Variants in MBNL2 observed in about 807,000 individuals in gnomAD.
The protein encoded by MBNL2 is muscleblind-like protein 2.
Under a neutral mutation model 41.9 loss-of-function variants are expected in MBNL2, and 17 were observed. The ratio of observed to expected loss-of-function variants is 0.41; its 90% CI spans 0.28 to 0.61. The LOEUF (loss-of-function observed/expected upper bound fraction) is 0.61, where lower values mean the gene tolerates loss of function less well. Among genes scored for constraint, MBNL2 ranks in the 20% least tolerant of loss-of-function variants. The pLI is 0.35. For missense variants in MBNL2, 336 were observed against 505.6 expected, an observed-to-expected ratio of 0.66 and a Z score of 3.22; for synonymous variants, 195 against 182.9, an observed-to-expected ratio of 1.07 and a Z score of -0.53.
upstream of MBNL2, among the ~76,000 whole-genome samples, chr13:97,218,440 C>CAAA (rs372883729): frequency 6.1e-4 from 72 of 117,968 alleles, no homozygotes; most frequent in African/African-American, 2.4e-3. Context: ...CAAAACAAAA[C>CAAA]AAAAAAAAAA....
intron 2 of MBNL2, among the ~76,000 whole-genome samples, chr13:97,293,322 A>C (rs1477563850): frequency 6.6e-6 from 1 of 152,170 alleles, no homozygotes; most frequent in African/African-American, 2.4e-5. Context: ...AAAATATCCA[A>C]GTAATTTGGT....
At chr13:97,329,730 T>C (rs117860581) in intron 2 of MBNL2, among the ~76,000 whole-genome samples, 12 of 394 alleles carry the variant, frequency 0.03, no homozygotes, top group East Asian at 0.083. Flanking sequence ...ATACACAACA[T>C]ACAACACATA....
intron 1 of MBNL2, among the ~76,000 whole-genome samples, chr13:97,255,169 C>T (rs2047289414): frequency 1.3e-5 from 2 of 152,268 alleles, no homozygotes; most frequent in South Asian, 4.2e-4. Context: ...CCCTGCTGTT[C>T]ACTATCTCAA....
At chr13:97,190,867 A>G in the MBNL2 span, among the ~76,000 whole-genome samples, 8 of 152,174 alleles carry the variant, frequency 5.3e-5, no homozygotes, top group Non-Finnish European at 1.2e-4. Flanking sequence ...AACATTCACA[A>G]ATCAGGAACT....
intron 2 of MBNL2, among the ~76,000 whole-genome samples, chr13:97,309,965 G>A (rs1251167328): frequency 6.6e-6 from 1 of 152,176 alleles, no homozygotes; most frequent in African/African-American, 2.4e-5. Context: ...TGGAGTATGG[G>A]GCAGGCTATG....
At chr13:97,270,735 CT>C (rs2050779496) in intron 1 of MBNL2, among the ~76,000 whole-genome samples, 1 of 152,194 alleles carries the variant, frequency 6.6e-6, no homozygotes, top group African/African-American at 2.4e-5. Context: ...GTCCAATATT[CT>C]ATTACATCTA....
chr13:97,217,177 T>C (rs1436812736), upstream of MBNL2, among the ~76,000 whole-genome samples: 3 of 150,842 alleles, frequency 2.0e-5, no homozygotes, highest in African/African-American at 7.3e-5. Context: ...AATATATATG[T>C]CTCTATGGCT....
intron 1 of MBNL2, among the ~76,000 whole-genome samples, chr13:97,246,580 T>C (rs890165727): frequency 2.0e-5 from 3 of 152,242 alleles, no homozygotes; most frequent in African/African-American, 4.8e-5. Flanking sequence ...TTTAGTTAAC[T>C]ACTGCGAATA....
intron 5 of MBNL2, among the ~76,000 whole-genome samples, chr13:97,350,614 T>G (rs568310663): frequency 7.9e-5 from 12 of 152,352 alleles, no homozygotes; most frequent in African/African-American, 2.9e-4. Context: ...TCAACAATGT[T>G]CAGAGCATCT....
chr13:97,201,425 A>C, the MBNL2 span, among the ~76,000 whole-genome samples: 2 of 152,212 alleles, frequency 1.3e-5, no homozygotes, highest in Non-Finnish European at 2.9e-5. Flanking sequence ...GCTAGCATAG[A>C]AGTAGGCACA....
At chr13:97,240,621 T>C (rs929941660) in intron 1 of MBNL2, among the ~76,000 whole-genome samples, 2 of 152,224 alleles carry the variant, frequency 1.3e-5, no homozygotes, top group Non-Finnish European at 2.9e-5. Context: ...AAAGATCCCA[T>C]TGTTCTTTTA....
At chr13:97,228,797 TG>T (rs770690808) in intron 1 of MBNL2, among the ~76,000 whole-genome samples, 10 of 152,124 alleles carry the variant, frequency 6.6e-5, no homozygotes, top group Non-Finnish European at 1.3e-4. Context: ...CCCAGAGTGC[TG>T]GGATTACAGG....
chr13:97,150,475 A>T, the MBNL2 span, among the ~76,000 whole-genome samples: 1 of 152,226 alleles, frequency 6.6e-6, no homozygotes, highest in Non-Finnish European at 1.5e-5. Context: ...AATAACATGT[A>T]TTTTACAAAG....
intron 2 of MBNL2, among the ~76,000 whole-genome samples, chr13:97,285,429 G>A (rs373024762): frequency 1.3e-5 from 2 of 152,194 alleles, no homozygotes; most frequent in African/African-American, 4.8e-5. Flanking sequence ...TAACTGAGGA[G>A]CTCATGACCC....
intron 8 of MBNL2, among the ~76,000 whole-genome samples, chr13:97,365,568 C>T (rs1231071423): frequency 6.6e-6 from 1 of 152,112 alleles, no homozygotes; most frequent in South Asian, 2.1e-4. Flanking sequence ...TGTGTTAGAG[C>T]GATCAGAGTT....
At position 97,339,870 on chromosome 13, in the gene MBNL2, T is replaced by TGTG. The variant is rs1555316675; in HGVS notation, c.340-3145_340-3144insTGG. On this transcript the variant is annotated intron_variant, in intron 3 of 8. Coordinates refer to ENST00000679496, the MANE Select transcript of MBNL2 (RefSeq NM_001382683.1). ...AACATACGGGCAACTGATTTGTGTG[T>TGTG]GGGCGGGGGGGGCGTTGTTTTTCCT... Among the ~76,000 whole-genome samples the TGTG allele has an allele frequency of 2.5e-3, 203 of 80,444 alleles. 4 individuals carry two copies. Among genetic ancestry groups the TGTG allele is most frequent in the African/African-American group, 0.01 (159 of 15,884 alleles). 52.8% of individuals were successfully genotyped at this position (80,444 alleles called of 152,430 possible). A position where few individuals can be genotyped will look rare whatever the true frequency, so the allele number is the denominator to read the frequency against.
the MBNL2 span, among the ~76,000 whole-genome samples, chr13:97,176,017 G>A: frequency 2.0e-5 from 3 of 152,252 alleles, no homozygotes; most frequent in African/African-American, 4.8e-5. Flanking sequence ...GTGGCCAGCC[G>A]TCCCATCCCT....
chr13:97,161,508 C>G, the MBNL2 span, among the ~76,000 whole-genome samples: 1 of 152,092 alleles, frequency 6.6e-6, no homozygotes, highest in Non-Finnish European at 1.5e-5. Flanking sequence ...CTGCACTGCC[C>G]TTAGTGCAGT....
intron 1 of MBNL2, among the ~76,000 whole-genome samples, chr13:97,262,175 T>TCC (rs1325997548): frequency 1.3e-5 from 2 of 152,116 alleles, no homozygotes; most frequent in Non-Finnish European, 2.9e-5. Context: ...GAGAGTGCAA[T>TCC]CCCTGCCTTG....
Sources: allele counts gnomAD v4.1 joint callset (sites outside exome capture counted in the v4.1 genomes callset), GRCh38; gene constraint gnomAD v4.1.1; transcripts MANE v1.5; gene names NCBI Gene and HGNC (gene_info 2026-07-23, HGNC 2026-07-21).